Variants in LRRTM4 observed in about 807,000 individuals in gnomAD.
The protein encoded by LRRTM4 is leucine rich repeat transmembrane neuronal 4.
LRRTM4 carries 25 observed loss-of-function variants against 47.6 expected under a neutral mutation model. The observed-to-expected ratio is 0.53, with a 90% CI of 0.38 to 0.73. LRRTM4 has a LOEUF of 0.73. Ranked by LOEUF, LRRTM4 falls within the 30% of genes least tolerant of loss-of-function variation. The probability of loss-of-function intolerance (pLI) is 0.00; values close to 1 mark genes in which losing one functional copy is unlikely to be tolerated. For missense variants in LRRTM4, 638 were observed against 713.4 expected (o/e 0.89, Z 1.20); for synonymous variants, 311 against 269.5 (o/e 1.15, Z -1.51).
At chr2:76,847,206 T>C (rs757652150) in intron 3 of LRRTM4, among the ~76,000 whole-genome samples, 54 of 151,838 alleles carry the variant, frequency 3.6e-4, no homozygotes, top group Non-Finnish European at 5.6e-4. Context: ...TTCATCACTC[T>C]TTTGTTCCCA....
At chr2:76,923,850 A>G (rs1050308655) in intron 3 of LRRTM4, among the ~76,000 whole-genome samples, 1 of 152,146 alleles carries the variant, frequency 6.6e-6, no homozygotes, top group Non-Finnish European at 1.5e-5. Flanking sequence ...AATTAAGTAT[A>G]GGGTCACAAA....
In LRRTM4 at chr2:77,074,004, CAT is replaced by C. The variant is rs1454787131; in HGVS notation, c.1552-325090_1552-325089del. ...TCTACATGGTTCTTCTTATAAATAA[CAT>C]ATTGTGTACATTTATATTTTTCCCC... On this transcript the variant is annotated intron_variant, in intron 3 of 3. Coordinates refer to ENST00000409884, the MANE Select transcript of LRRTM4 (RefSeq NM_001134745.3). 7.9e-5 allele frequency among the ~76,000 whole-genome samples: 12 copies of C among 152,176 alleles called. No individual in the cohort carries two copies. In the South Asian group the frequency reaches 1.0e-3, roughly 13 times the overall value.
chr2:76,977,507 C>T (rs1676460335), intron 3 of LRRTM4, among the ~76,000 whole-genome samples: 1 of 151,840 alleles, frequency 6.6e-6, no homozygotes, highest in African/African-American at 2.4e-5. Context: ...GGCGAGTAAG[C>T]ATTAACCCAC....
At chr2:77,336,302 GAGGAAAGA>G (rs1443633027) in intron 3 of LRRTM4, among the ~76,000 whole-genome samples, 3 of 149,968 alleles carry the variant, frequency 2.0e-5, no homozygotes, top group Non-Finnish European at 4.5e-5. Context: ...GGAAGGAAGG[GAGGAAAGA>G]AGGAAGGAAG....
At chr2:77,466,569 T>C (rs1676989643) in intron 3 of LRRTM4, among the ~76,000 whole-genome samples, 2 of 152,280 alleles carry the variant, frequency 1.3e-5, no homozygotes, top group South Asian at 4.1e-4. Context: ...ATACACTGTT[T>C]TTCTTTGTGA....
intron 3 of LRRTM4, among the ~76,000 whole-genome samples, chr2:77,181,160 C>A (rs1048148274): frequency 6.6e-6 from 1 of 152,094 alleles, no homozygotes; most frequent in African/African-American, 2.4e-5. Flanking sequence ...AACAATACTA[C>A]AGGTAAGACT....
chr2:77,310,225 AATGGCT>A (rs1677414619), intron 3 of LRRTM4, among the ~76,000 whole-genome samples: 1 of 152,158 alleles, frequency 6.6e-6, no homozygotes, highest in South Asian at 2.1e-4. Flanking sequence ...TAATGTTGAC[AATGGCT>A]ATCTCTACTA....
intron 3 of LRRTM4, among the ~76,000 whole-genome samples, chr2:77,139,151 G>T (rs4603787): frequency 6.6e-6 from 1 of 151,696 alleles, no homozygotes. Context: ...GATACCAAAG[G>T]CTGACAGAGA....
chr2:76,797,120 C>A (rs958638786), intron 3 of LRRTM4, among the ~76,000 whole-genome samples: 1 of 152,078 alleles, frequency 6.6e-6, no homozygotes. Flanking sequence ...GAGAATGCCA[C>A]AAAGATACTC....
intron 3 of LRRTM4, among the ~76,000 whole-genome samples, chr2:77,013,483 C>G (rs149156716): frequency 6.8e-6 from 1 of 147,556 alleles, no homozygotes; most frequent in African/African-American, 2.6e-5. Context: ...TGCAGCCAAG[C>G]CTGAGAGAGT....
chr2:77,422,888 T>G (rs1414868656), intron 3 of LRRTM4, among the ~76,000 whole-genome samples: 2 of 152,064 alleles, frequency 1.3e-5, no homozygotes, highest in Non-Finnish European at 2.9e-5. Flanking sequence ...TTTGGCATAA[T>G]AAAAGTTTTT....
intron 3 of LRRTM4, among the ~76,000 whole-genome samples, chr2:77,426,405 G>C (rs982079780): frequency 6.6e-6 from 1 of 152,140 alleles, no homozygotes; most frequent in African/African-American, 2.4e-5. Context: ...ATCAGATATT[G>C]ATATTCCTTG....
intron 3 of LRRTM4, among the ~76,000 whole-genome samples, chr2:77,278,898 T>C (rs2104093756): frequency 1.3e-5 from 2 of 152,112 alleles, no homozygotes; most frequent in Middle Eastern, 3.4e-3. Flanking sequence ...GCCTGCATAG[T>C]GTGCCCTTTG....
At chr2:76,763,055 C>T (rs78070925) in intron 3 of LRRTM4, among the ~76,000 whole-genome samples, 1,958 of 152,222 alleles carry the variant, frequency 0.013, 37 homozygotes, top group African/African-American at 0.038. Flanking sequence ...CATTCTCTTC[C>T]TTTCTATCGC....
rs1171435155 is a variant in LRRTM4, at chr2:77,031,113, A to G, written c.1552-282197T>C. On this transcript the variant is annotated intron_variant, in intron 3 of 3. Transcript: ENST00000409884. ...TGTTAATATCTTATGTAGAACATAC[A>G]TTTACAGATATTATAATTTTTCTGT... is the stretch of plus-strand genomic sequence containing the variant. Among the ~76,000 whole-genome samples, 5 of 152,258 alleles carry G rather than the reference A, an allele frequency of 3.3e-5. 1 individual carries two copies. Among genetic ancestry groups the G allele is most frequent in the South Asian group, 2.1e-4 (1 of 4,832 alleles).
chr2:77,346,333 C>A (rs2104286755), intron 3 of LRRTM4, among the ~76,000 whole-genome samples: 1 of 152,212 alleles, frequency 6.6e-6, no homozygotes, highest in Non-Finnish European at 1.5e-5. Context: ...TAAGATAATT[C>A]ATAGAAAACT....
intron 3 of LRRTM4, among the ~76,000 whole-genome samples, chr2:77,299,029 CAAG>C (rs1490887632): frequency 1.3e-5 from 2 of 151,864 alleles, no homozygotes; most frequent in Non-Finnish European, 2.9e-5. Flanking sequence ...AAACAGTATA[CAAG>C]AAGGTTTACA....
At chr2:77,091,118 C>T (rs1458345764) in intron 3 of LRRTM4, among the ~76,000 whole-genome samples, 2 of 151,926 alleles carry the variant, frequency 1.3e-5, no homozygotes, top group Non-Finnish European at 2.9e-5. Flanking sequence ...CCCACCTGCC[C>T]AGTTCCCTTA....
chr2:76,832,160 G>A (rs1367433586), intron 3 of LRRTM4, among the ~76,000 whole-genome samples: 2 of 152,008 alleles, frequency 1.3e-5, no homozygotes, highest in African/African-American at 4.8e-5. Flanking sequence ...AGAGATGTCT[G>A]TATTTTATTT....
Sources: gnomAD v4.1 joint callset for allele counts (sites outside exome capture counted in the v4.1 genomes callset) on GRCh38, gnomAD v4.1.1 for gene constraint, MANE v1.5 for transcripts, NCBI Gene and HGNC (gene_info 2026-07-23, HGNC 2026-07-21) for gene names.